SCAF4: variants seen among roughly 807,000 people sequenced by gnomAD.
The protein encoded by SCAF4 is SR-related CTD associated factor 4.
SCAF4 carries 25 observed loss-of-function variants against 129.8 expected under a neutral mutation model. That is an observed-to-expected ratio of 0.19 (90% CI 0.14 to 0.27). The LOEUF (loss-of-function observed/expected upper bound fraction) is 0.27, where lower values mean the gene tolerates loss of function less well. Ranked by LOEUF, SCAF4 falls within the 10% of genes least tolerant of loss-of-function variation. The pLI is 1.00. For missense variants in SCAF4, 1,246 were observed against 1,457.1 expected (o/e 0.86, Z 2.36); for synonymous variants, 551 against 497.7 (o/e 1.11, Z -1.43).
chr21:31,671,376 C>G lies in SCAF4; in HGVS notation c.*23G>C, dbSNP rs780471738. 6.2e-7 allele frequency: 1 copy of G among 1,605,170 alleles called. No individual in the cohort carries two copies. Among genetic ancestry groups the G allele is most frequent in the Admixed American group, 1.7e-5 (1 of 59,618 alleles). On this transcript the variant is annotated 3_prime_UTR_variant, in exon 20 of 20. Coordinates refer to ENST00000286835, the MANE Select transcript of SCAF4 (RefSeq NM_020706.2). ...TCTACACTCCAGGAAGTGTCACTGT[C>G]ACATTTTCACAAATTCCAGTCTCTA...
chr21:31,710,142 G>C (rs1383544249), intron 1 of SCAF4, among the ~76,000 whole-genome samples: 4 of 152,076 alleles, frequency 2.6e-5, no homozygotes, highest in Non-Finnish European at 4.4e-5. Flanking sequence ...TAAATATCTA[G>C]GCAGAGAAAG....
Position 31,671,943 on chromosome 21 carries a change from G to GGCTGCT in SCAF4, c.2894_2899dup (p.Gln965_Gln966dup), listed in dbSNP as rs578023456. 735 of 1,606,502 alleles carry GGCTGCT rather than the reference G, an allele frequency of 4.6e-4. No homozygotes were observed. The African/African-American group carries it at 6.3e-3, about 14-fold the overall frequency. ...TGGTGGAGGCTGTTGTGATGGTGGT[G>GGCTGCT]GCTGCTGCTGCTGCTGCTGCTGTGG... On this transcript the variant is annotated inframe_insertion, in exon 20 of 20. Coordinates refer to ENST00000286835, the MANE Select transcript of SCAF4 (RefSeq NM_020706.2).
intron 4 of SCAF4, 92 bp from the exon 5 acceptor site, chr21:31,702,471 G>C: frequency 8.7e-7 from 1 of 1,143,016 alleles, no homozygotes; most frequent in Non-Finnish European, 1.2e-6. Flanking sequence ...AACTCCCTAG[G>C]CTAATATTTC....
intron 7 of SCAF4, among the ~76,000 whole-genome samples, chr21:31,700,182 TCA>T (rs71193138): frequency 9.0e-4 from 134 of 148,440 alleles, no homozygotes; most frequent in Middle Eastern, 3.5e-3. Context: ...ACACACACAC[TCA>T]CACACACACA....
In SCAF4 at chr21:31,696,249, C is replaced by T. The variant is rs754425253; in HGVS notation, c.960-28G>A. On this transcript the variant is annotated intron_variant, in intron 8 of 19. Transcript: ENST00000286835. The stretch of plus-strand genomic sequence containing the variant: ...AAAAAAAGGTGGATAATCTTTTACC[C>T]ATTCAAAAGCACAAGCTTCTCAGCC... 37 of 1,539,962 alleles carry T rather than the reference C, an allele frequency of 2.4e-5. No individual in the cohort carries two copies. In the South Asian group the frequency reaches 4.1e-4, roughly 17 times the overall value.
chr21:31,714,513 T>C (rs755712608), intron 1 of SCAF4, among the ~76,000 whole-genome samples: 26 of 152,150 alleles, frequency 1.7e-4, no homozygotes, highest in Non-Finnish European at 2.8e-4. Flanking sequence ...GCATGACATA[T>C]AGAAGCCTGA....
chr21:31,690,752 C>G, intron 15 of SCAF4, 45 bp downstream of exon 15: 1 of 1,564,192 alleles, frequency 6.4e-7, no homozygotes. Flanking sequence ...ATATGTACTA[C>G]CAAGCAAATA....
Position 31,706,312 on chromosome 21 carries a change from T to C in SCAF4, c.76A>G (p.Met26Val). Reference protein sequence around the residue: ...DMKPPISRAKMILITKAAIKA... With the variant: ...DMKPPISRAKVILITKAAIKA... ...ATAGCAGCTTTAGTGATGAGAATCA[T>C]CTTGGCTCTAGAGATGGGAGGTTTC... is the stretch of plus-strand genomic sequence containing the variant. Residue 26 changes from methionine (M) to valine (V), a missense_variant, in exon 2 of 20, where the codon ATG (methionine) becomes GTG (valine). This residue lies in a region of SCAF4 where 56 missense variants were observed against 139.4 expected (regional missense o/e 0.40). Transcript: ENST00000286835. The C allele has an allele frequency of 4.3e-6, 7 of 1,610,626 alleles. No individual in the cohort carries two copies. The highest frequency in any genetic ancestry group is 5.9e-6 in the Non-Finnish European group (7 of 1,177,756).
Position 31,696,189 on chromosome 21 carries a change from G to T in SCAF4, c.992C>A (p.Ala331Glu). ...ATCCATATTTTGATGCTGTGTGTAT[G>T]CTGGCTGCTGCATGCCATCTCCAGG... ...GFPGDGMQQPAYTQHQNMDQF... is the reference protein window; with the variant it reads ...GFPGDGMQQPEYTQHQNMDQF... Residue 331 changes from alanine (A) to glutamate (E), a missense_variant, in exon 9 of 20, where the codon GCA becomes GAA. Physicochemically the swap from Ala to Glu is moderately radical, Grantham distance 107 (BLOSUM62 -1). This residue lies in a region of SCAF4 where 236 missense variants were observed against 210.0 expected (regional missense o/e 1.12). Coordinates refer to ENST00000286835, the MANE Select transcript of SCAF4 (RefSeq NM_020706.2). 1 of 1,613,868 alleles carries T rather than the reference G, an allele frequency of 6.2e-7. No homozygotes were observed. The highest frequency in any genetic ancestry group is 8.5e-7 in the Non-Finnish European group (1 of 1,179,896).
chr21:31,710,764 G>C (rs2050781923), intron 1 of SCAF4, among the ~76,000 whole-genome samples: 1 of 152,234 alleles, frequency 6.6e-6, no homozygotes, highest in African/African-American at 2.4e-5. Context: ...TTAGGTGAAT[G>C]CAAGTGACAT....
chr21:31,680,686 A>G (rs1316781692), intron 19 of SCAF4, among the ~76,000 whole-genome samples: 1 of 152,228 alleles, frequency 6.6e-6, no homozygotes, highest in Non-Finnish European at 1.5e-5. Flanking sequence ...TACTTTCTAG[A>G]ATTTTCTTCA....
At chr21:31,730,310 T>G (rs2051317212) in intron 1 of SCAF4, among the ~76,000 whole-genome samples, 2 of 152,222 alleles carry the variant, frequency 1.3e-5, no homozygotes, top group Admixed American at 1.3e-4. Context: ...TTATTTTTAT[T>G]GTTTTGAAAA....
At position 31,705,476 on chromosome 21, in the gene SCAF4, A is replaced by G. The variant is rs1477832251; in HGVS notation, c.115-9T>C. 8 of 1,251,448 alleles carry G rather than the reference A, an allele frequency of 6.4e-6. No individual in the cohort carries two copies. The allele number at this position is 1,251,448 out of a possible 1,614,324, so 77.5% of individuals were successfully genotyped here. ...ACTACATGCTTATAAAGCTGAAAAG[A>G]ATTAAGAGAAAATTACTGTTCAGTT... On this transcript the variant is annotated splice_polypyrimidine_tract_variant and intron_variant, in intron 2 of 19. Coordinates refer to ENST00000286835, the MANE Select transcript of SCAF4 (RefSeq NM_020706.2).
In SCAF4 at chr21:31,731,809, G is replaced by A. The variant is rs1008993012; in HGVS notation, c.-117C>T. 1.3e-5 allele frequency: 16 copies of A among 1,201,816 alleles called. No individual in the cohort carries two copies. The highest frequency in any genetic ancestry group is 3.4e-5 in the South Asian group (2 of 58,406). 74.4% of individuals were successfully genotyped at this position (1,201,816 alleles called of 1,614,324 possible). ...TGGCCGGGGGGAGGCGACGAGCGGC[G>A]GAGTCCGAGGCCCGGGCAGGAAGAG... On this transcript the variant is annotated 5_prime_UTR_variant, in exon 1 of 20. Coordinates refer to ENST00000286835, the MANE Select transcript of SCAF4 (RefSeq NM_020706.2).
At chr21:31,712,417 C>A (rs2050822183) in intron 1 of SCAF4, among the ~76,000 whole-genome samples, 1 of 151,550 alleles carries the variant, frequency 6.6e-6, no homozygotes, top group South Asian at 2.1e-4. Flanking sequence ...GGGGTTTTGC[C>A]ATGTTGCCCA....
Position 31,671,378 on chromosome 21 carries a change from C to T in SCAF4, c.*21G>A. ...TACACTCCAGGAAGTGTCACTGTCA[C>T]ATTTTCACAAATTCCAGTCTCTAAC... On this transcript the variant is annotated 3_prime_UTR_variant, in exon 20 of 20. Transcript: ENST00000286835. 1 of 1,606,350 alleles carries T rather than the reference C, an allele frequency of 6.2e-7. No homozygotes were observed. The highest frequency in any genetic ancestry group is 8.5e-7 in the Non-Finnish European group (1 of 1,176,126).
At chr21:31,684,891 AAAACAAAC>A (rs200285476) in intron 19 of SCAF4, 150 bp downstream of exon 19, 1 of 590,640 alleles carries the variant, frequency 1.7e-6, no homozygotes, top group Non-Finnish European at 3.0e-6. Flanking sequence ...ATCTTCCTCA[AAAACAAAC>A]AAACAAACAA....
intron 1 of SCAF4, among the ~76,000 whole-genome samples, chr21:31,717,840 TATACACACAC>T (rs1406928664): frequency 1.2e-5 from 1 of 82,670 alleles, no homozygotes; most frequent in South Asian, 3.7e-4. Context: ...TATATATATA[TATACACACAC>T]ACACACACAC....
In SCAF4 at chr21:31,672,305, A is replaced by G; in HGVS notation, c.2538T>C (p.Ser846=). Residue 846 remains serine, a synonymous_variant, in exon 20 of 20, where the codon TCT becomes TCC. Transcript: ENST00000286835. Reference sequence around the variant, plus strand: ...CGGGCCGGGCGCCAAGAAGACCAGTAGATGGTGCCTGAAGTCCAATTACAG... The same window carrying G: ...CGGGCCGGGCGCCAAGAAGACCAGTGGATGGTGCCTGAAGTCCAATTACAG... The part of the protein sequence containing the change: ...PGPVIGLQAP[S]TGLLGARPGL... 1.2e-6 allele frequency: 2 copies of G among 1,613,898 alleles called. No individual in the cohort carries two copies. Among genetic ancestry groups the G allele is most frequent in the East Asian group, 2.2e-5 (1 of 44,872 alleles).
Sources: gnomAD v4.1 joint callset for allele counts (sites outside exome capture counted in the v4.1 genomes callset) on GRCh38, gnomAD v4.1.1 for gene constraint, gnomAD v4.1.1 regional missense constraint, MANE v1.5 for transcripts, NCBI Gene and HGNC (gene_info 2026-07-23, HGNC 2026-07-21) for gene names.